Variants in TCF3 observed in about 807,000 individuals in gnomAD.
The protein encoded by TCF3 is transcription factor E2-alpha.
A neutral mutation model predicts 72.3 loss-of-function variants in TCF3; 54 were observed. The ratio of observed to expected loss-of-function variants is 0.75; its 90% confidence interval spans 0.60 to 0.94. TCF3 has a LOEUF of 0.94. TCF3 is among the 40% of genes least tolerant of loss of function. The probability of loss-of-function intolerance (pLI) is 0.00; values close to 1 mark genes in which losing one functional copy is unlikely to be tolerated. For missense variants in TCF3, 1,078 were observed against 934.4 expected, an observed-to-expected ratio of 1.15 and a Z score of -2.00; for synonymous variants, 525 against 412.6, an observed-to-expected ratio of 1.27 and a Z score of -3.30.
intron 13 of TCF3, 55 bp from the exon 14 acceptor site, chr19:1,619,908 C>T (rs2061983672): frequency 1.4e-6 from 2 of 1,431,504 alleles, no homozygotes; most frequent in Non-Finnish European, 1.9e-6. Flanking sequence ...TGAGCATGGC[C>T]TGATGCCCAT....
At chr19:1,641,607 C>A (rs1295327255) in intron 3 of TCF3, among the ~76,000 whole-genome samples, 2 of 152,138 alleles carry the variant, frequency 1.3e-5, no homozygotes, top group Non-Finnish European at 2.9e-5. Context: ...CACGCACCAC[C>A]ACGCCCAGCT....
intron 18 of TCF3, 40 bp from the exon 19 acceptor site, chr19:1,611,889 G>C: frequency 7.2e-7 from 1 of 1,384,248 alleles, no homozygotes; most frequent in Non-Finnish European, 9.6e-7. Context: ...GACGGTCCCA[G>C]GGAGGAGAAA....
At position 1,631,005 on chromosome 19, in the gene TCF3, G is replaced by A. The variant is rs548700482; in HGVS notation, c.298+1033C>T. Among the ~76,000 whole-genome samples the A allele has an allele frequency of 5.9e-5, 9 of 152,350 alleles. No homozygotes were observed. The East Asian group carries it at 1.2e-3, about 20-fold the overall frequency. The stretch of plus-strand genomic sequence containing the variant: ...CAGCCCCACCCAGCCGCAGACCCCC[G>A]GCCAGGGTGCCCTTCCCAAGCGTCG... On this transcript the variant is annotated intron_variant, in intron 5 of 18. Transcript: ENST00000262965.
chr19:1,616,392 T>C (rs2061548740), intron 16 of TCF3: 1 of 151,774 alleles, frequency 6.6e-6, no homozygotes, highest in African/African-American at 2.4e-5. Flanking sequence ...GAGAATCACT[T>C]GAACCCAGGA....
intron 3 of TCF3, among the ~76,000 whole-genome samples, chr19:1,633,438 C>T (rs905504050): frequency 2.6e-5 from 4 of 152,174 alleles, no homozygotes; most frequent in African/African-American, 4.8e-5. Context: ...CCACCTCAGG[C>T]TGTTCTGCAG....
rs779730358 is a variant in TCF3, at chr19:1,623,979, C to T, written c.521G>A (p.Arg174Gln). 1.7e-5 allele frequency: 28 copies of T among 1,613,396 alleles called. No homozygotes were observed. The highest frequency in any genetic ancestry group is 9.9e-5 in the South Asian group (9 of 91,066). Reference sequence around the variant, plus strand: ...GGATGGAAGACCCGGCGGGACCTTCCGGACCTTCTTGGGCTGCGTGTCTGT... The same window carrying T: ...GGATGGAAGACCCGGCGGGACCTTCTGGACCTTCTTGGGCTGCGTGTCTGT... Reference protein sequence around the residue: ...GSLDTQPKKVRKVPPGLPSSV... With the variant: ...GSLDTQPKKVQKVPPGLPSSV... Residue 174 changes from arginine (R) to glutamine (Q), a missense_variant, in exon 8 of 19, where the codon CGG becomes CAG. Coordinates refer to ENST00000262965, the MANE Select transcript of TCF3 (RefSeq NM_003200.5).
In TCF3 at chr19:1,632,103, C is replaced by T. The variant is rs769963856; in HGVS notation, c.233G>A (p.Gly78Asp). The change falls in exon 5 of 19, where the codon GGC becomes GAC. Residue 78 changes from glycine to aspartate, a missense_variant. Physicochemically the swap from Gly to Asp is moderately conservative, Grantham distance 94. Coordinates refer to ENST00000262965, the MANE Select transcript of TCF3 (RefSeq NM_003200.5). ...GCTGTGCGACTCAGTGAAGTGGGTG[C>T]CCTCGCTGAAGGTCTAGGGGAGATG... is the stretch of plus-strand genomic sequence containing the variant. Reference protein sequence around the residue: ...SFDPSRTFSEGTHFTESHSSL... With the variant: ...SFDPSRTFSEDTHFTESHSSL... 2.5e-6 allele frequency: 4 copies of T among 1,613,176 alleles called. No homozygotes were observed. Among genetic ancestry groups the T allele is most frequent in the Admixed American group, 3.3e-5 (2 of 59,916 alleles).
intron 3 of TCF3, among the ~76,000 whole-genome samples, chr19:1,635,298 C>T (rs926794110): frequency 4.6e-5 from 7 of 152,202 alleles, no homozygotes; most frequent in Admixed American, 2.0e-4. Flanking sequence ...GCTACAGCAG[C>T]GGGTTAAGCC....
At chr19:1,651,691 C>A (rs1304848610) in intron 1 of TCF3, among the ~76,000 whole-genome samples, 1 of 151,826 alleles carries the variant, frequency 6.6e-6, no homozygotes, top group African/African-American at 2.4e-5. Context: ...GAAGCCGGAC[C>A]CCCCTCCCCC....
chr19:1,625,476 G>T (rs2062772567), intron 7 of TCF3, 100 bp downstream of exon 7: 3 of 1,376,140 alleles, frequency 2.2e-6, no homozygotes, highest in East Asian at 3.0e-5. Context: ...AAGGTGCGGG[G>T]TCTGCTCCCT....
At chr19:1,621,100 T>C (rs1245212290) in intron 12 of TCF3, 33 bp downstream of exon 12, 2 of 1,524,108 alleles carry the variant, frequency 1.3e-6, no homozygotes, top group Non-Finnish European at 8.9e-7. Context: ...CTCAGGTCAC[T>C]TGCCTGGCCA....
intron 3 of TCF3, among the ~76,000 whole-genome samples, chr19:1,642,244 GCACA>G (rs751012952): frequency 6.7e-6 from 1 of 149,292 alleles, no homozygotes; most frequent in African/African-American, 2.5e-5. Context: ...ACGCGCAGAC[GCACA>G]CACACGTGCG....
At chr19:1,617,628 G>A (rs1278032034) in intron 16 of TCF3, among the ~76,000 whole-genome samples, 2 of 152,236 alleles carry the variant, frequency 1.3e-5, no homozygotes, top group African/African-American at 2.4e-5. Context: ...GCTCCCCACA[G>A]TGAACTCTGC....
chr19:1,627,292 T>A (rs1271368508), intron 6 of TCF3, 67 bp downstream of exon 6: 28 of 1,347,376 alleles, frequency 2.1e-5, no homozygotes. Flanking sequence ...CTTCTGCAGA[T>A]CAGAGAGGGT....
At chr19:1,642,510 A>G (rs775384708) in intron 3 of TCF3, among the ~76,000 whole-genome samples, 1 of 152,236 alleles carries the variant, frequency 6.6e-6, no homozygotes, top group Non-Finnish European at 1.5e-5. Flanking sequence ...AAAGTGGATC[A>G]ACTTCAAGGA....
intron 5 of TCF3, among the ~76,000 whole-genome samples, chr19:1,627,845 GGGT>G (rs1386276650): frequency 1.8e-5 from 1 of 56,908 alleles, no homozygotes; most frequent in Non-Finnish European, 3.5e-5. Context: ...AGCTCACAGG[GGGT>G]GAGGCGGGAA....
In TCF3 at chr19:1,627,366, A is replaced by G. The variant is rs35354874; in HGVS notation, c.359T>C (p.Leu120Pro). The G allele has an allele frequency of 0.023, 37,439 of 1,609,504 alleles. 535 individuals are homozygous for G. The highest frequency in any genetic ancestry group is 0.025 in the Non-Finnish European group (29,823 of 1,178,652). The change falls in exon 6 of 19, where the codon CTG (leucine) becomes CCG (proline). Residue 120 changes from leucine (L) to proline (P), a missense_variant. Coordinates refer to ENST00000262965, the MANE Select transcript of TCF3 (RefSeq NM_003200.5). ...SFGRDAGVGG[L>P]TQAGFLSGEL... ...CCGGCCCGAGCCCCTCACCTGAGTC[A>G]GGCCGCCCACGCCTGCGTCTCTCCC...
intron 5 of TCF3, among the ~76,000 whole-genome samples, chr19:1,628,915 G>A (rs1369287265): frequency 6.1e-5 from 1 of 16,288 alleles, no homozygotes; most frequent in Non-Finnish European, 1.1e-4. Context: ...GGGGTGAGGC[G>A]GGAAGGGGAC....
chr19:1,612,685 T>C (rs1214726278), intron 18 of TCF3, among the ~76,000 whole-genome samples: 6 of 141,468 alleles, frequency 4.2e-5, no homozygotes, highest in Admixed American at 4.2e-4. Flanking sequence ...ACGGCTGGTG[T>C]TGGTGTGGGC....
Sources: allele counts gnomAD v4.1 joint callset (sites outside exome capture counted in the v4.1 genomes callset), GRCh38; gene constraint gnomAD v4.1.1; transcripts MANE v1.5; gene names NCBI Gene and HGNC (gene_info 2026-07-23, HGNC 2026-07-21).